SMC4: variants seen among roughly 807,000 people sequenced by gnomAD.
The protein encoded by SMC4 is structural maintenance of chromosomes 4, also known as structural maintenance of chromosomes protein 4.
A neutral mutation model predicts 145.6 loss-of-function variants in SMC4; 87 were observed. The ratio of observed to expected loss-of-function variants is 0.60; its 90% CI spans 0.50 to 0.71. SMC4 has a LOEUF of 0.71. Ranked by LOEUF, SMC4 falls within the 30% of genes least tolerant of loss-of-function variation. The pLI is 0.00. For synonymous variants in SMC4, 558 were observed against 500.7 expected, an observed-to-expected ratio of 1.11 and a Z score of -1.53; for missense variants, 1,447 against 1,537.1, an observed-to-expected ratio of 0.94 and a Z score of 0.98.
At chr3:160,409,210 G>A (rs910912379) in intron 5 of SMC4, among the ~76,000 whole-genome samples, 2 of 138,828 alleles carry the variant, frequency 1.4e-5, no homozygotes, top group African/African-American at 2.7e-5. Context: ...AGCTTGCAGT[G>A]AGTCGAGATC....
intron 21 of SMC4, among the ~76,000 whole-genome samples, 154 bp from the exon 22 acceptor site, chr3:160,432,129 G>C (rs924163311): frequency 6.6e-6 from 1 of 152,250 alleles, no homozygotes; most frequent in African/African-American, 2.4e-5. Context: ...TTGAACCTGG[G>C]AGGTGGAGGT....
At position 160,413,939 on chromosome 3, in the gene SMC4, G is replaced by C. The variant is rs558243734; in HGVS notation, c.1121+326G>C. 5.3e-4 allele frequency: 160 copies of C among 303,454 alleles called. 2 individuals are homozygous for C. Among genetic ancestry groups the C allele is most frequent in the South Asian group, 4.7e-3 (158 of 33,318 alleles). The allele number at this position is 303,454 out of a possible 1,614,324, so 18.8% of individuals were successfully genotyped here. The stretch of plus-strand genomic sequence containing the variant: ...GATAGGATTTGGGTTTTTCTAGATA[G>C]ATTTTTAAGGGTTTTATCATGTCCC... On this transcript the variant is annotated intron_variant, in intron 8 of 23. Transcript: ENST00000357388.
chr3:160,431,621 C>A, intron 20 of SMC4, 22 bp from the exon 21 acceptor site: 1 of 1,532,958 alleles, frequency 6.5e-7, no homozygotes, highest in South Asian at 1.2e-5. Flanking sequence ...TTCTCTAACT[C>A]TCCCCTAAAT....
At chr3:160,426,226 G>GA in intron 17 of SMC4, 26 bp downstream of exon 17, 1 of 1,537,842 alleles carries the variant, frequency 6.5e-7, no homozygotes, top group South Asian at 1.2e-5. Flanking sequence ...GACCTTTTTT[G>GA]GGGGGAAAAA....
At chr3:160,425,940 C>G (rs1717744255) in intron 16 of SMC4, 134 bp from the exon 17 acceptor site, 5 of 627,408 alleles carry the variant, frequency 8.0e-6, no homozygotes, top group Non-Finnish European at 1.1e-5. Context: ...TTTTTTATAT[C>G]AATGGCACAT....
rs1048634870 is a variant in SMC4, at chr3:160,407,435, C to T, written c.687+2931C>T. On this transcript the variant is annotated intron_variant, in intron 5 of 23. Coordinates refer to ENST00000357388, the MANE Select transcript of SMC4 (RefSeq NM_001002800.3). ...GGGCATGGTGACACACCCCTATAGT[C>T]CCACCTACTCAGGAGGCTGAGGTGG... Among the ~76,000 whole-genome samples the T allele has an allele frequency of 1.2e-4, 18 of 152,238 alleles. No individual in the cohort carries two copies. The South Asian group carries it at 2.7e-3, about 23-fold the overall frequency.
intron 13 of SMC4, among the ~76,000 whole-genome samples, chr3:160,421,908 G>A (rs6441319): frequency 0.57 from 86,775 of 151,958 alleles, 25,520 homozygotes; most frequent in African/African-American, 0.68. Flanking sequence ...CACCCCCTCC[G>A]TAACACTAAC....
chr3:160,414,326 C>T lies in SMC4; in HGVS notation c.1122-41C>T, dbSNP rs1034612782. The T allele has an allele frequency of 3.3e-6, 5 of 1,498,886 alleles. No homozygotes were observed. The African/African-American group carries it at 6.9e-5, about 21-fold the overall frequency. 92.8% of individuals were successfully genotyped at this position (1,498,886 alleles called of 1,614,324 possible). ...AGGAAATGTGGTTTTAAAATATGTG[C>T]ACATTCAAAATAATGACTTACAATA... On this transcript the variant is annotated intron_variant, in intron 8 of 23. Transcript: ENST00000357388.
rs760739638 is a variant in SMC4, at chr3:160,404,489, A to G, written c.672A>G (p.Arg224=). 3 of 1,602,476 alleles carry G rather than the reference A, an allele frequency of 1.9e-6. No individual in the cohort carries two copies. Among genetic ancestry groups the G allele is most frequent in the Admixed American group, 3.5e-5 (2 of 56,520 alleles). Residue 224 remains arginine (R), a synonymous_variant, in exon 5 of 24, where the codon AGA becomes AGG. Transcript: ENST00000357388. ...RSHGIDLDHN[R]FLILQGEVEQ... ...ATGGAATTGACTTGGACCATAATAG[A>G]TTTTTAATTTTACAGGTAAGTTTAT...
In SMC4 at chr3:160,400,811, C is replaced by A; in HGVS notation, c.-5-11C>A. ...CGGGCTGACTTGCTCCCGGCTGTCC[C>A]CCGGCCCCAGCGACCATGCCCCGTA... On this transcript the variant is annotated splice_polypyrimidine_tract_variant and intron_variant, in intron 1 of 23. Coordinates refer to ENST00000357388, the MANE Select transcript of SMC4 (RefSeq NM_001002800.3). 2 of 1,517,586 alleles carry A rather than the reference C, an allele frequency of 1.3e-6. No homozygotes were observed. The highest frequency in any genetic ancestry group is 1.8e-6 in the Non-Finnish European group (2 of 1,142,846). The allele number at this position is 1,517,586 out of a possible 1,614,324, so 94.0% of individuals were successfully genotyped here.
chr3:160,410,022 G>A (rs1715807682), intron 5 of SMC4, among the ~76,000 whole-genome samples: 1 of 152,176 alleles, frequency 6.6e-6, no homozygotes. Flanking sequence ...GCTGCAGTGA[G>A]CTGAGACCAC....
Position 160,416,325 on chromosome 3 carries a change from C to T in SMC4, c.1347C>T (p.Leu449=), listed in dbSNP as rs765542216. 10 of 1,601,468 alleles carry T rather than the reference C, an allele frequency of 6.2e-6. No homozygotes were observed. The highest frequency in any genetic ancestry group is 3.4e-5 in the Admixed American group (2 of 59,038). ...AAACAACAACCAGAAACAATGCCCT[C>T]GAGAAGGAAAAAGAGAAAGAAGAAA... ...INETTTRNNA[L]EKEKEKEEKK... The change falls in exon 10 of 24, where the codon CTC becomes CTT. Residue 449 remains leucine, a synonymous_variant. Coordinates refer to ENST00000357388, the MANE Select transcript of SMC4 (RefSeq NM_001002800.3).
At chr3:160,410,628 A>G (rs1044120226) in intron 5 of SMC4, among the ~76,000 whole-genome samples, 14 of 152,242 alleles carry the variant, frequency 9.2e-5, no homozygotes, top group African/African-American at 3.4e-4. Context: ...TTGTGCTTAT[A>G]GACTGTCAGA....
At position 160,430,610 on chromosome 3, in the gene SMC4, A is replaced by G; in HGVS notation, c.2807A>G (p.Lys936Arg). 1 of 1,587,714 alleles carries G rather than the reference A, an allele frequency of 6.3e-7. No individual in the cohort carries two copies. The highest frequency in any genetic ancestry group is 1.2e-5 in the South Asian group (1 of 85,520). Residue 936 changes from lysine (K) to arginine (R), a missense_variant, in exon 19 of 24, where the codon AAG (lysine) becomes AGG (arginine). Transcript: ENST00000357388. ...TTTTGCTTCTTTAGAAACCTTCAAAAGGCACAAGACTCTGTCTTGCGTACA... is the reference window on the plus strand; with the variant it reads ...TTTTGCTTCTTTAGAAACCTTCAAAGGGCACAAGACTCTGTCTTGCGTACA... ...AIKTADRNLQ[K>R]AQDSVLRTEK...
rs771333543 is a variant in SMC4, at chr3:160,423,494, G to A, written c.2089G>A (p.Val697Ile). The A allele has an allele frequency of 6.2e-7, 1 of 1,612,954 alleles. No homozygotes were observed. The highest frequency in any genetic ancestry group is 1.1e-5 in the South Asian group (1 of 91,016). ...AAATACTCCTCGTTTATTTGATTTA[G>A]TAAAAGTAAAAGATGAGAAAATTCG... ...PENTPRLFDLVKVKDEKIRQA... is the reference protein window; with the variant it reads ...PENTPRLFDLIKVKDEKIRQA... Residue 697 changes from valine (V) to isoleucine (I), a missense_variant, in exon 14 of 24, where the codon GTA (valine) becomes ATA (isoleucine). Coordinates refer to ENST00000357388, the MANE Select transcript of SMC4 (RefSeq NM_001002800.3).
chr3:160,400,785 G>T (rs1714506337), intron 1 of SMC4, 37 bp from the exon 2 acceptor site: 5 of 1,461,200 alleles, frequency 3.4e-6, no homozygotes, highest in Non-Finnish European at 4.5e-6. Context: ...GTAGCGGCCC[G>T]CGGGCTGACT....
Position 160,432,380 on chromosome 3 carries a change from T to G in SMC4, c.3395T>G (p.Leu1132Arg). 6.2e-7 allele frequency: 1 copy of G among 1,613,776 alleles called. No homozygotes were observed. Among genetic ancestry groups the G allele is most frequent in the Non-Finnish European group, 8.5e-7 (1 of 1,179,710 alleles). Residue 1132 changes from leucine to arginine, a missense_variant, in exon 22 of 24, where the codon CTT (leucine) becomes CGT (arginine). Transcript: ENST00000357388. ...QAYEDLRKQR[L>R]NEFMAGFYII... Reference sequence around the variant, plus strand: ...TATGAAGATCTTCGGAAACAAAGGCTTAATGAATTTATGGCAGGTTTTTAT... The same window carrying G: ...TATGAAGATCTTCGGAAACAAAGGCGTAATGAATTTATGGCAGGTTTTTAT...
chr3:160,419,013 A>T (rs1716882874), intron 11 of SMC4, among the ~76,000 whole-genome samples: 1 of 152,188 alleles, frequency 6.6e-6, no homozygotes, highest in Non-Finnish European at 1.5e-5. Flanking sequence ...ATTAGGGCAG[A>T]GCTGAAGAAT....
rs1714738756 is a variant in SMC4, at chr3:160,402,021, TATG to T, written c.249_251del (p.Met83del). On this transcript the variant is annotated inframe_deletion, in exon 3 of 24. Coordinates refer to ENST00000357388, the MANE Select transcript of SMC4 (RefSeq NM_001002800.3). ...CCAATGAAGCTGGAGCTCCTCGGCT[TATG>T]ATAACTCATATTGTAAACCAGAACT... 2 of 1,600,410 alleles carry T rather than the reference TATG, an allele frequency of 1.2e-6. No individual in the cohort carries two copies. The highest frequency in any genetic ancestry group is 1.7e-6 in the Non-Finnish European group (2 of 1,174,602).
Sources: gnomAD v4.1 joint callset for allele counts (sites outside exome capture counted in the v4.1 genomes callset) on GRCh38, gnomAD v4.1.1 for gene constraint, MANE v1.5 for transcripts, NCBI Gene and HGNC (gene_info 2026-07-23, HGNC 2026-07-21) for gene names.